PHF21B: variants seen among roughly 807,000 people sequenced by gnomAD.
PHF21B encodes PHD finger protein 21B.
A neutral mutation model predicts 62.2 loss-of-function variants in PHF21B; 22 were observed. The observed-to-expected ratio is 0.35, with a 90% confidence interval of 0.25 to 0.51. The LOEUF is 0.51. Among genes scored for constraint, PHF21B ranks in the 20% least tolerant of loss-of-function variants. PHF21B has a pLI of 0.97. For synonymous variants in PHF21B, 341 were observed against 314.7 expected (o/e 1.08, Z -0.88); for missense variants, 701 against 707.9 (o/e 0.99, Z 0.11).
chr22:45,005,799 G>T (rs1016764494), intron 2 of PHF21B, among the ~76,000 whole-genome samples: 30 of 152,094 alleles, frequency 2.0e-4, no homozygotes, highest in African/African-American at 6.7e-4. Flanking sequence ...TGGTATAAGC[G>T]TTTCCCTAAG....
chr22:45,002,284 T>C (rs995432141), intron 2 of PHF21B, among the ~76,000 whole-genome samples: 4 of 152,212 alleles, frequency 2.6e-5, no homozygotes, highest in Non-Finnish European at 5.9e-5. Flanking sequence ...AAAATGTAAC[T>C]GGTAAACATG....
intron 5 of PHF21B, among the ~76,000 whole-genome samples, chr22:44,904,440 C>T (rs968736574): frequency 6.6e-6 from 1 of 152,200 alleles, no homozygotes. Flanking sequence ...GGTGATAAAA[C>T]CCTTAGTCTT....
Position 45,009,151 on chromosome 22 carries a change from G to A in PHF21B, c.54+345C>T. ...GGGCGCGGGGGCCCGAGGGGAGGCC[G>A]GAAGGGGGCCTATTCGCACTCCCCT... is the stretch of plus-strand genomic sequence containing the variant. On this transcript the variant is annotated intron_variant, in intron 1 of 12. Transcript: ENST00000313237. The surrounding 1 kb of genome is among the most constrained non-coding windows in gnomAD (Gnocchi z 5.9). 2 of 555,722 alleles carry A rather than the reference G, an allele frequency of 3.6e-6. No homozygotes were observed. Among genetic ancestry groups the A allele is most frequent in the Non-Finnish European group, 5.2e-6 (2 of 385,912 alleles). 34.4% of individuals were successfully genotyped at this position (555,722 alleles called of 1,614,324 possible).
intron 2 of PHF21B, among the ~76,000 whole-genome samples, chr22:44,943,649 G>A (rs1228499315): frequency 3.9e-5 from 6 of 152,264 alleles, no homozygotes; most frequent in Non-Finnish European, 8.8e-5. Flanking sequence ...CCTTTGTAAA[G>A]CAAACAGGTT....
chr22:44,941,697 G>A (rs1199898798), intron 2 of PHF21B, among the ~76,000 whole-genome samples: 2 of 152,202 alleles, frequency 1.3e-5, no homozygotes, highest in African/African-American at 4.8e-5. Context: ...GTGGGCTCGG[G>A]AGCACCCACT....
intron 10 of PHF21B, among the ~76,000 whole-genome samples, chr22:44,886,415 A>T (rs1464671512): frequency 7.8e-6 from 1 of 127,636 alleles, no homozygotes; most frequent in Non-Finnish European, 1.7e-5. Flanking sequence ...AAAAAAAAAA[A>T]AAAAAGCTGG....
chr22:44,990,184 T>C (rs1433336683), intron 2 of PHF21B, among the ~76,000 whole-genome samples: 1 of 152,208 alleles, frequency 6.6e-6, no homozygotes, highest in Non-Finnish European at 1.5e-5. Context: ...ACAGGTTTGA[T>C]GGAACACGGT....
chr22:44,915,732 G>A (rs1005841370), intron 4 of PHF21B, among the ~76,000 whole-genome samples: 23 of 152,198 alleles, frequency 1.5e-4, no homozygotes, highest in Admixed American at 8.5e-4. Flanking sequence ...GACAGGGGAC[G>A]GCAGAGATGA....
intron 10 of PHF21B, among the ~76,000 whole-genome samples, chr22:44,886,885 T>C (rs1259782303): frequency 1.3e-5 from 2 of 152,092 alleles, no homozygotes; most frequent in African/African-American, 4.8e-5. Context: ...CTGGGTGCAG[T>C]GGCTCATACC....
At position 44,898,601 on chromosome 22, in the gene PHF21B, C is replaced by T. The variant is rs551537255; in HGVS notation, c.832-2518G>A. Among the ~76,000 whole-genome samples the T allele has an allele frequency of 1.3e-4, 20 of 151,948 alleles. No individual in the cohort carries two copies. The South Asian group carries it at 3.5e-3, about 27-fold the overall frequency. ...ATCTAGATTTTTTTAAAAAGAGTAT[C>T]GATTTTTAAATTATAGTAAAAATTT... On this transcript the variant is annotated intron_variant, in intron 5 of 12. Coordinates refer to ENST00000313237, the MANE Select transcript of PHF21B (RefSeq NM_138415.5).
At chr22:44,933,570 CG>C (rs1328795565) in intron 2 of PHF21B, 20 of 980,110 alleles carry the variant, frequency 2.0e-5, no homozygotes, top group Non-Finnish European at 2.4e-5. Context: ...CGCAACTCAA[CG>C]GAAGTGCACG....
intron 2 of PHF21B, among the ~76,000 whole-genome samples, chr22:44,996,907 C>G (rs1484985885): frequency 6.6e-6 from 1 of 152,170 alleles, no homozygotes; most frequent in Non-Finnish European, 1.5e-5. Flanking sequence ...CGTGTGCACA[C>G]ATGCATACAC....
rs567310075 is a variant in PHF21B, at chr22:45,000,383, G to A, written c.120+8162C>T. ...GTGTGGCGCCCTCAGGACCAGCAGT[G>A]TGTCTGCAGATGGGGCGAGTAGCAG... On this transcript the variant is annotated intron_variant, in intron 2 of 12. Coordinates refer to ENST00000313237, the MANE Select transcript of PHF21B (RefSeq NM_138415.5). 1.2e-4 allele frequency among the ~76,000 whole-genome samples: 19 copies of A among 152,228 alleles called. No homozygotes were observed. The East Asian group carries it at 3.5e-3, about 28-fold the overall frequency.
intron 5 of PHF21B, among the ~76,000 whole-genome samples, chr22:44,912,696 T>C (rs991639203): frequency 6.6e-5 from 10 of 151,682 alleles, no homozygotes; most frequent in Non-Finnish European, 1.0e-4. Flanking sequence ...GAAAACGGAC[T>C]AATACACCCT....
chr22:44,936,114 A>G (rs2071841504), intron 2 of PHF21B, among the ~76,000 whole-genome samples: 1 of 152,218 alleles, frequency 6.6e-6, no homozygotes, highest in Non-Finnish European at 1.5e-5. Context: ...TACCGTGGAG[A>G]ACATCTTTTT....
At chr22:44,967,731 CCTTT>C (rs529539987) in intron 2 of PHF21B, among the ~76,000 whole-genome samples, 213 of 152,288 alleles carry the variant, frequency 1.4e-3, no homozygotes, top group Non-Finnish European at 2.5e-3. Context: ...GTTCAGGCTT[CCTTT>C]GTTTCTCCCA....
intron 2 of PHF21B, chr22:45,001,099 T>C (rs1450037904): frequency 1.3e-5 from 2 of 152,104 alleles, no homozygotes; most frequent in Non-Finnish European, 2.9e-5. Flanking sequence ...TCCATCACCT[T>C]TTACCCTACA....
intron 5 of PHF21B, among the ~76,000 whole-genome samples, chr22:44,912,419 T>A (rs2071358797): frequency 6.6e-6 from 1 of 152,168 alleles, no homozygotes; most frequent in Admixed American, 6.5e-5. Context: ...AGGAGGGACC[T>A]GGTGGGAAGT....
chr22:44,945,006 A>C (rs890739631), intron 2 of PHF21B, among the ~76,000 whole-genome samples: 1 of 115,536 alleles, frequency 8.7e-6, no homozygotes, highest in Non-Finnish European at 1.8e-5. Context: ...AGATTCCTGC[A>C]TACCGGGCTG....
Sources: allele counts gnomAD v4.1 joint callset (sites outside exome capture counted in the v4.1 genomes callset), GRCh38; gene constraint gnomAD v4.1.1; non-coding constraint Gnocchi (gnomAD v3.1); transcripts MANE v1.5; gene names NCBI Gene and HGNC (gene_info 2026-07-23, HGNC 2026-07-21).